The following ABHD12 variants were observed in gnomAD, a reference collection of about 807,000 sequenced individuals.
ABHD12 encodes the protein abhydrolase domain containing 12, lysophospholipase, also known as lysophosphatidylserine lipase ABHD12.
In ABHD12, 43 loss-of-function variants were observed where a neutral mutation model predicts 58.3. The ratio of observed to expected loss-of-function variants is 0.74; its 90% CI spans 0.58 to 0.95. The LOEUF is 0.95. Among genes scored for constraint, ABHD12 ranks in the 40% least tolerant of loss-of-function variants. The pLI is 0.00. For missense variants in ABHD12, 539 were observed against 537.2 expected (o/e 1.00, Z -0.03); for synonymous variants, 219 against 211.2 (o/e 1.04, Z -0.32).
chr20:25,326,192 G>C lies in ABHD12; in HGVS notation c.317-2762C>G, dbSNP rs995762794. 1.8e-4 allele frequency among the ~76,000 whole-genome samples: 27 copies of C among 151,550 alleles called. 1 individual carries two copies. Among genetic ancestry groups the C allele is most frequent in the African/African-American group, 6.0e-4 (25 of 41,346 alleles). Reference sequence around the variant, plus strand: ...AAGGGAGAGAGGTAGGGAGGGAGTGGGGGGAGGGAAAGAAAGGAAAGAAAG... The same window carrying C: ...AAGGGAGAGAGGTAGGGAGGGAGTGCGGGGAGGGAAAGAAAGGAAAGAAAG... On this transcript the variant is annotated intron_variant, in intron 2 of 12. Coordinates refer to ENST00000339157, the MANE Select transcript of ABHD12 (RefSeq NM_001042472.3).
At chr20:25,348,238 TAAAAAC>T (rs1202017152) in intron 1 of ABHD12, among the ~76,000 whole-genome samples, 1 of 150,754 alleles carries the variant, frequency 6.6e-6, no homozygotes, top group Non-Finnish European at 1.5e-5. Context: ...AGTTCACAGA[TAAAAAC>T]AACAAATACA....
intron 7 of ABHD12, 136 bp from the exon 8 acceptor site, chr20:25,308,630 T>C (rs2088792249): frequency 1.8e-6 from 2 of 1,104,654 alleles, no homozygotes; most frequent in Non-Finnish European, 1.3e-6. Flanking sequence ...GTGGGGGAAA[T>C]GGAGATCCCT....
chr20:25,306,595 T>C (rs867018362), intron 10 of ABHD12, among the ~76,000 whole-genome samples: 6 of 152,308 alleles, frequency 3.9e-5, no homozygotes, highest in Middle Eastern at 3.4e-3. Flanking sequence ...TTGCCCAGGC[T>C]GGTCTCAAAC....
chr20:25,382,342 G>A (rs1159787139), intron 1 of ABHD12, among the ~76,000 whole-genome samples: 1 of 151,988 alleles, frequency 6.6e-6, no homozygotes, highest in Non-Finnish European at 1.5e-5. Flanking sequence ...GGTGTGGCAC[G>A]AGATAGATGG....
chr20:25,380,545 A>G (rs898834796), intron 1 of ABHD12, among the ~76,000 whole-genome samples: 1 of 150,764 alleles, frequency 6.6e-6, no homozygotes, highest in African/African-American at 2.4e-5. Flanking sequence ...TCCTCTCTCC[A>G]CTTCTTCCTT....
At chr20:25,369,459 A>G (rs1483221219) in intron 1 of ABHD12, among the ~76,000 whole-genome samples, 5 of 152,116 alleles carry the variant, frequency 3.3e-5, no homozygotes, top group African/African-American at 4.8e-5. Context: ...ATTACTCAGG[A>G]ACCTGTCTTG....
chr20:25,370,163 G>C (rs2089882204), intron 1 of ABHD12, among the ~76,000 whole-genome samples: 1 of 152,130 alleles, frequency 6.6e-6, no homozygotes, highest in Non-Finnish European at 1.5e-5. Flanking sequence ...CTGACTGTGG[G>C]GGGTCCCCTT....
chr20:25,350,575 T>A (rs1283944982), intron 1 of ABHD12, among the ~76,000 whole-genome samples: 3 of 152,246 alleles, frequency 2.0e-5, no homozygotes, highest in Non-Finnish European at 4.4e-5. Flanking sequence ...CCCAGCCATG[T>A]GGAACTGTGA....
At chr20:25,301,803 G>A (rs1435852319) in intron 12 of ABHD12, among the ~76,000 whole-genome samples, 1 of 152,270 alleles carries the variant, frequency 6.6e-6, no homozygotes, top group Non-Finnish European at 1.5e-5. Context: ...GTGCAGGGCA[G>A]TCAGGAGCAC....
intron 1 of ABHD12, among the ~76,000 whole-genome samples, chr20:25,374,255 T>C (rs2089934984): frequency 6.6e-6 from 1 of 151,100 alleles, no homozygotes; most frequent in Non-Finnish European, 1.5e-5. Flanking sequence ...CCACCACACC[T>C]GGCCTAGTAA....
At chr20:25,304,492 C>A (rs2088698785) in intron 10 of ABHD12, among the ~76,000 whole-genome samples, 1 of 152,256 alleles carries the variant, frequency 6.6e-6, no homozygotes, top group Non-Finnish European at 1.5e-5. Context: ...GTCACCTGTA[C>A]TCCATCTGGC....
At chr20:25,323,892 T>C (rs1250897103) in intron 2 of ABHD12, among the ~76,000 whole-genome samples, 3 of 152,174 alleles carry the variant, frequency 2.0e-5, no homozygotes, top group Non-Finnish European at 4.4e-5. Flanking sequence ...GGAAAGGGGA[T>C]GGCGCTGCAG....
chr20:25,376,536 A>G (rs973032025), intron 1 of ABHD12, among the ~76,000 whole-genome samples: 1 of 152,252 alleles, frequency 6.6e-6, no homozygotes, highest in African/African-American at 2.4e-5. Flanking sequence ...TTTTCCTGGC[A>G]GAAACAAAAA....
At chr20:25,387,732 TA>T (rs925093433) in intron 1 of ABHD12, among the ~76,000 whole-genome samples, 1 of 150,520 alleles carries the variant, frequency 6.6e-6, no homozygotes. Flanking sequence ...GGAACTTTCT[TA>T]AAAAAAAAAT....
intron 2 of ABHD12, among the ~76,000 whole-genome samples, chr20:25,325,339 G>T (rs533063413): frequency 2.0e-5 from 3 of 151,790 alleles, no homozygotes; most frequent in South Asian, 4.2e-4. Context: ...TGGGAGGCCC[G>T]CCTGCCCTGT....
intron 10 of ABHD12, among the ~76,000 whole-genome samples, chr20:25,304,646 C>T (rs762950782): frequency 1.3e-5 from 2 of 152,226 alleles, no homozygotes; most frequent in Non-Finnish European, 2.9e-5. Context: ...CAGCTCACTG[C>T]AACCTCTGCC....
At chr20:25,365,361 T>C (rs1166179736) in intron 1 of ABHD12, among the ~76,000 whole-genome samples, 1 of 152,228 alleles carries the variant, frequency 6.6e-6, no homozygotes, top group Non-Finnish European at 1.5e-5. Context: ...AAGGTAGTAT[T>C]GTAAACTGTT....
At chr20:25,320,596 G>T (rs527978956) in intron 3 of ABHD12, among the ~76,000 whole-genome samples, 2 of 152,350 alleles carry the variant, frequency 1.3e-5, no homozygotes, top group Admixed American at 6.5e-5. Flanking sequence ...ACAAAGGCTT[G>T]CAATGTGCCA....
At chr20:25,379,821 G>A (rs1179598982) in intron 1 of ABHD12, among the ~76,000 whole-genome samples, 2 of 151,664 alleles carry the variant, frequency 1.3e-5, no homozygotes, top group African/African-American at 2.4e-5. Flanking sequence ...TTGACCTCCC[G>A]GGCTCAAGCA....
Sources: allele counts gnomAD v4.1 joint callset (sites outside exome capture counted in the v4.1 genomes callset), GRCh38; gene constraint gnomAD v4.1.1; transcripts MANE v1.5; gene names NCBI Gene and HGNC (gene_info 2026-07-23, HGNC 2026-07-21).